Variants in MAGI2 observed in about 807,000 individuals in gnomAD.
The protein encoded by MAGI2 is membrane associated guanylate kinase, WW and PDZ domain containing 2.
A neutral mutation model predicts 133.3 loss-of-function variants in MAGI2; 35 were observed. The observed-to-expected ratio is 0.26, with a 90% CI of 0.20 to 0.35. The LOEUF (loss-of-function observed/expected upper bound fraction) is 0.35, where lower values mean the gene tolerates loss of function less well. Among genes scored for constraint, MAGI2 ranks in the 10% least tolerant of loss-of-function variants. The pLI is 1.00. For synonymous variants in MAGI2, 729 were observed against 710.6 expected, an observed-to-expected ratio of 1.03 and a Z score of -0.41; for missense variants, 1,636 against 1,863.4, an observed-to-expected ratio of 0.88 and a Z score of 2.25.
In MAGI2 at chr7:79,109,360, G is replaced by A. The variant is rs192766167; in HGVS notation, c.302-102154C>T. On this transcript the variant is annotated intron_variant, in intron 1 of 21. Transcript: ENST00000354212. Reference sequence around the variant, plus strand: ...CAGATGGAAATGAGGAACTTATTGGGAACTAGAGGAAAGGCCACCCATGTT... The same window carrying A: ...CAGATGGAAATGAGGAACTTATTGGAAACTAGAGGAAAGGCCACCCATGTT... Among the ~76,000 whole-genome samples the A allele has an allele frequency of 2.7e-3, 404 of 152,286 alleles. 2 individuals carry two copies. Among genetic ancestry groups the A allele is most frequent in the African/African-American group, 8.8e-3 (367 of 41,556 alleles).
intron 1 of MAGI2, among the ~76,000 whole-genome samples, chr7:79,389,298 C>T (rs1203651398): frequency 2.0e-5 from 3 of 151,616 alleles, no homozygotes; most frequent in African/African-American, 7.3e-5. Context: ...AAATTACGTA[C>T]GATGATAAGT....
chr7:78,934,022 G>T (rs1800333638), intron 2 of MAGI2, among the ~76,000 whole-genome samples: 1 of 152,150 alleles, frequency 6.6e-6, no homozygotes, highest in Non-Finnish European at 1.5e-5. Flanking sequence ...GCCTGCCATT[G>T]TCTGTTGTTG....
chr7:78,310,114 T>A (rs1798573150), intron 9 of MAGI2, among the ~76,000 whole-genome samples: 1 of 152,188 alleles, frequency 6.6e-6, no homozygotes. Flanking sequence ...TTTTATTTTA[T>A]GCAGTTACAT....
chr7:78,925,951 A>T (rs1246836316), intron 2 of MAGI2, among the ~76,000 whole-genome samples: 7 of 152,028 alleles, frequency 4.6e-5, no homozygotes, highest in African/African-American at 1.7e-4. Context: ...TTCACATTAC[A>T]TGCCCATTGC....
At chr7:78,872,980 C>T (rs1795152869) in intron 2 of MAGI2, among the ~76,000 whole-genome samples, 1 of 152,074 alleles carries the variant, frequency 6.6e-6, no homozygotes, top group African/African-American at 2.4e-5. Context: ...TAAATTAAGG[C>T]ACACAGTAAA....
intron 1 of MAGI2, among the ~76,000 whole-genome samples, chr7:79,028,457 A>G (rs1810244849): frequency 6.6e-6 from 1 of 151,376 alleles, no homozygotes; most frequent in African/African-American, 2.4e-5. Flanking sequence ...TTTATAGTGC[A>G]GAGGTCTAAA....
chr7:79,006,600 G>T (rs774361332), intron 2 of MAGI2: 2 of 152,234 alleles, frequency 1.3e-5, no homozygotes. Flanking sequence ...TGCTTTCTAA[G>T]ACTTGCAGAA....
At chr7:78,741,532 C>T (rs1187565353) in intron 2 of MAGI2, among the ~76,000 whole-genome samples, 1 of 151,192 alleles carries the variant, frequency 6.6e-6, no homozygotes, top group African/African-American at 2.4e-5. Context: ...TTCCAGACTG[C>T]AGACTTATTT....
At chr7:79,406,118 G>A (rs1214946848) in intron 1 of MAGI2, among the ~76,000 whole-genome samples, 15 of 152,004 alleles carry the variant, frequency 9.9e-5, no homozygotes, top group Admixed American at 8.5e-4. Flanking sequence ...TTCTATCAAT[G>A]AGTATATTTT....
At chr7:78,203,399 C>T (rs10499837) in intron 10 of MAGI2, among the ~76,000 whole-genome samples, 39,291 of 152,038 alleles carry the variant, frequency 0.26, 5,394 homozygotes, top group Middle Eastern at 0.36. Context: ...GGTGTCAGAA[C>T]TAAAATGGTG....
intron 10 of MAGI2, chr7:78,255,207 G>C (rs1282137232): frequency 1.3e-5 from 2 of 152,692 alleles, no homozygotes; most frequent in African/African-American, 4.8e-5. Flanking sequence ...AAAAGGTAGA[G>C]GGGAAGAAAC....
chr7:79,442,009 T>C (rs1298563928), intron 1 of MAGI2, among the ~76,000 whole-genome samples: 1 of 152,200 alleles, frequency 6.6e-6, no homozygotes, highest in African/African-American at 2.4e-5. Flanking sequence ...GTAACACTAA[T>C]ATAAGGTTAT....
At chr7:79,391,466 T>G (rs1844601231) in intron 1 of MAGI2, among the ~76,000 whole-genome samples, 1 of 144,490 alleles carries the variant, frequency 6.9e-6, no homozygotes, top group African/African-American at 2.5e-5. Flanking sequence ...AAAAAATGTA[T>G]TCTAAAAGCA....
At chr7:78,147,648 GA>G (rs914547178) in intron 16 of MAGI2, among the ~76,000 whole-genome samples, 5 of 151,412 alleles carry the variant, frequency 3.3e-5, no homozygotes, top group African/African-American at 7.3e-5. Context: ...GACTAAAAGT[GA>G]AAAAAAACTC....
chr7:79,278,387 A>T (rs2129557741), intron 1 of MAGI2, among the ~76,000 whole-genome samples: 1 of 152,250 alleles, frequency 6.6e-6, no homozygotes, highest in African/African-American at 2.4e-5. Context: ...AGTTTCAGGT[A>T]TTTCTTTATA....
chr7:78,934,979 C>G (rs952834185), intron 2 of MAGI2, among the ~76,000 whole-genome samples: 1 of 152,090 alleles, frequency 6.6e-6, no homozygotes, highest in Non-Finnish European at 1.5e-5. Context: ...GACAAGAATC[C>G]TTATTCAGCT....
At chr7:78,290,453 C>G (rs1180797480) in intron 9 of MAGI2, among the ~76,000 whole-genome samples, 3 of 152,158 alleles carry the variant, frequency 2.0e-5, no homozygotes, top group Admixed American at 2.0e-4. Flanking sequence ...AAAGCAAGTT[C>G]TTAGAGACCT....
intron 9 of MAGI2, among the ~76,000 whole-genome samples, chr7:78,326,973 T>C (rs1788652160): frequency 6.6e-6 from 1 of 152,182 alleles, no homozygotes; most frequent in South Asian, 2.1e-4. Context: ...CTTTTTTATG[T>C]TGGCTGTGGC....
intron 1 of MAGI2, among the ~76,000 whole-genome samples, chr7:79,420,757 G>A (rs1288731341): frequency 6.6e-6 from 1 of 151,784 alleles, no homozygotes; most frequent in Admixed American, 6.6e-5. Flanking sequence ...GAACTCCAAA[G>A]TTCAGGCATT....
Sources: gnomAD v4.1 joint callset for allele counts (sites outside exome capture counted in the v4.1 genomes callset) on GRCh38, gnomAD v4.1.1 for gene constraint, MANE v1.5 for transcripts, NCBI Gene and HGNC (gene_info 2026-07-23, HGNC 2026-07-21) for gene names.